RASAL2: variants seen among roughly 807,000 people sequenced by gnomAD.
The protein encoded by RASAL2 is ras GTPase-activating protein nGAP.
A neutral mutation model predicts 128.9 loss-of-function variants in RASAL2; 58 were observed. That is an observed-to-expected ratio of 0.45 (90% CI 0.36 to 0.56). The LOEUF (loss-of-function observed/expected upper bound fraction) is 0.56. RASAL2 is among the 20% of genes least tolerant of loss of function. The probability of loss-of-function intolerance (pLI) is 0.00; values close to 1 mark genes in which losing one functional copy is unlikely to be tolerated. For synonymous variants in RASAL2, 561 were observed against 580.8 expected (o/e 0.97, Z 0.49); for missense variants, 1,360 against 1,601.6 (o/e 0.85, Z 2.57).
chr1:178,345,283 A>G (rs1421260341), intron 3 of RASAL2, among the ~76,000 whole-genome samples: 5 of 152,142 alleles, frequency 3.3e-5, no homozygotes, highest in African/African-American at 9.7e-5. Context: ...GTGCAGCCCT[A>G]TTCTTTGAAG....
At chr1:178,389,350 G>A (rs1271462382) in intron 3 of RASAL2, 9 of 714,662 alleles carry the variant, frequency 1.3e-5, no homozygotes, top group African/African-American at 2.0e-5. Context: ...GCGTGTGTAT[G>A]CATATATATA....
intron 5 of RASAL2, among the ~76,000 whole-genome samples, chr1:178,434,924 A>G (rs1338766131): frequency 6.6e-6 from 1 of 152,076 alleles, no homozygotes; most frequent in Non-Finnish European, 1.5e-5. Context: ...GCTCAAATTC[A>G]ATTTTTAAAA....
chr1:178,464,570 GT>G (rs1186909673), intron 15 of RASAL2, among the ~76,000 whole-genome samples, 158 bp downstream of exon 15: 3 of 120,072 alleles, frequency 2.5e-5, no homozygotes, highest in Non-Finnish European at 4.8e-5. Flanking sequence ...GGTCAGTGGT[GT>G]GTGTGTGTGT....
At chr1:178,429,388 G>C (rs773899791) in intron 5 of RASAL2, among the ~76,000 whole-genome samples, 45 of 152,094 alleles carry the variant, frequency 3.0e-4, no homozygotes, top group Admixed American at 6.6e-4. Flanking sequence ...TAGGTAGCAG[G>C]AGGATGAGCC....
intron 1 of RASAL2, chr1:178,194,346 ACT>A (rs1483887472): frequency 4.4e-6 from 1 of 225,090 alleles, no homozygotes; most frequent in African/African-American, 2.3e-5. Context: ...CTTCACTTAA[ACT>A]CTCTCTCCCC....
intron 1 of RASAL2, among the ~76,000 whole-genome samples, chr1:178,175,351 A>G (rs1354808964): frequency 6.6e-6 from 1 of 151,860 alleles, no homozygotes; most frequent in Non-Finnish European, 1.5e-5. Flanking sequence ...TCTAACCTAG[A>G]CTTCCAAATT....
intron 1 of RASAL2, among the ~76,000 whole-genome samples, chr1:178,266,799 A>G (rs1477509187): frequency 6.6e-6 from 1 of 152,184 alleles, no homozygotes; most frequent in African/African-American, 2.4e-5. Flanking sequence ...CCTGTGGGAA[A>G]AAACTGGCCC....
Position 178,442,860 on chromosome 1 carries a change from T to C in RASAL2, c.1113T>C (p.Pro371=), listed in dbSNP as rs143690759. Residue 371 remains proline, a synonymous_variant, in exon 8 of 18, where the codon CCT becomes CCC. Coordinates refer to ENST00000367649, the MANE Select transcript of RASAL2 (RefSeq NM_170692.4). ...ATTTTGAATTCTTCAGCCTTCCACC[T>C]CTTCATAGTATCACAGTTCACATTT... The part of the protein sequence containing the change: ...GEHFEFFSLP[P]LHSITVHIYK... 1.6e-4 allele frequency: 264 copies of C among 1,613,716 alleles called. 1 individual carries two copies. The highest frequency in any genetic ancestry group is 2.1e-4 in the Non-Finnish European group (245 of 1,179,944).
chr1:178,390,018 A>G (rs1033157890), intron 3 of RASAL2, 82 bp from the exon 4 acceptor site: 12 of 848,214 alleles, frequency 1.4e-5, no homozygotes, highest in Non-Finnish European at 2.1e-5. Context: ...TTTATTGTGA[A>G]AAACCAGTAA....
At chr1:178,333,189 C>T (rs547403525) in intron 3 of RASAL2, among the ~76,000 whole-genome samples, 3 of 152,146 alleles carry the variant, frequency 2.0e-5, no homozygotes, top group Non-Finnish European at 2.9e-5. Flanking sequence ...CCACCGCTCC[C>T]GGCTAATTTT....
chr1:178,127,678 A>AGT (rs1659950860), intron 1 of RASAL2, among the ~76,000 whole-genome samples: 1 of 152,106 alleles, frequency 6.6e-6, no homozygotes, highest in South Asian at 2.1e-4. Context: ...ACATTCCTCT[A>AGT]GTGGTGATCT....
intron 1 of RASAL2, among the ~76,000 whole-genome samples, chr1:178,116,559 T>G (rs1465802267): frequency 6.6e-6 from 1 of 152,130 alleles, no homozygotes; most frequent in Non-Finnish European, 1.5e-5. Flanking sequence ...AGGAACTACT[T>G]CAGTTAAATA....
chr1:178,464,128 C>T (rs1647395018), intron 14 of RASAL2, 150 bp from the exon 15 acceptor site: 3 of 892,670 alleles, frequency 3.4e-6, no homozygotes, highest in South Asian at 6.2e-5. Flanking sequence ...CCACCCCTAG[C>T]CTTGGCATTA....
At position 178,473,514 on chromosome 1, in the gene RASAL2, ATGTAGATTACCTTT is replaced by A. The variant is rs1176375837; in HGVS notation, c.*277_*290del. The A allele has an allele frequency of 4.5e-6, 2 of 444,854 alleles. No homozygotes were observed. The highest frequency in any genetic ancestry group is 8.0e-6 in the Non-Finnish European group (2 of 251,326). The allele number at this position is 444,854 out of a possible 1,614,324, so 27.6% of individuals were successfully genotyped here. ...GTAATATACCAAAAGGAAGTTAATA[ATGTAGATTACCTTT>A]TTGATTATTGCTATTTTTATTATTG... On this transcript the variant is annotated 3_prime_UTR_variant, in exon 18 of 18. Transcript: ENST00000367649.
intron 1 of RASAL2, among the ~76,000 whole-genome samples, chr1:178,260,366 ATATATATATATATATATAT>A: frequency 0.023 from 436 of 19,296 alleles, 126 homozygotes; most frequent in Non-Finnish European, 0.037. Context: ...AAAAAAAAAT[ATATATATATATATATATAT>A]ATATATATAT....
intron 1 of RASAL2, among the ~76,000 whole-genome samples, chr1:178,094,972 A>G (rs1658619537): frequency 6.6e-6 from 1 of 152,190 alleles, no homozygotes; most frequent in Admixed American, 6.5e-5. Flanking sequence ...CGATTACTTC[A>G]AGGGAACAGC....
At chr1:178,407,413 A>G (rs1674066087) in intron 4 of RASAL2, among the ~76,000 whole-genome samples, 1 of 152,240 alleles carries the variant, frequency 6.6e-6, no homozygotes, top group African/African-American at 2.4e-5. Context: ...AAGGAAGGGA[A>G]TTATTTATAG....
intron 1 of RASAL2, among the ~76,000 whole-genome samples, chr1:178,105,808 T>C (rs1264108697): frequency 6.6e-6 from 1 of 151,928 alleles, no homozygotes; most frequent in Non-Finnish European, 1.5e-5. Context: ...AAGTAGGTGC[T>C]ACTTCAGGTG....
At chr1:178,156,306 A>C (rs533420926) in intron 1 of RASAL2, among the ~76,000 whole-genome samples, 1 of 152,190 alleles carries the variant, frequency 6.6e-6, no homozygotes, top group South Asian at 2.1e-4. Context: ...ATTAAACTTT[A>C]TATGTTATAA....
Sources: allele counts gnomAD v4.1 joint callset (sites outside exome capture counted in the v4.1 genomes callset), GRCh38; gene constraint gnomAD v4.1.1; transcripts MANE v1.5; gene names NCBI Gene and HGNC (gene_info 2026-07-23, HGNC 2026-07-21).